Variants in DCP2 observed in about 807,000 individuals in gnomAD.
DCP2 encodes decapping mRNA 2.
DCP2 carries 30 observed loss-of-function variants against 56.1 expected under a neutral mutation model. That is an observed-to-expected ratio of 0.53 (90% CI 0.40 to 0.73). The LOEUF is 0.73. DCP2 is among the 30% of genes least tolerant of loss of function. The probability of loss-of-function intolerance (pLI) is 0.00; values close to 1 mark genes in which losing one functional copy is unlikely to be tolerated. For missense variants in DCP2, 533 were observed against 502.7 expected (o/e 1.06, Z -0.58); for synonymous variants, 197 against 163.3 (o/e 1.21, Z -1.57).
At position 112,988,089 on chromosome 5, in the gene DCP2, T is replaced by C. The variant is rs147364162; in HGVS notation, c.205+2103T>C. Among the ~76,000 whole-genome samples, 526 of 152,278 alleles carry C rather than the reference T, an allele frequency of 3.5e-3. 6 individuals are homozygous for C. The highest frequency in any genetic ancestry group is 0.011 in the African/African-American group (472 of 41,562). On this transcript the variant is annotated intron_variant, in intron 2 of 10. Transcript: ENST00000389063. ...ATGAAGTATGGAATCCTTCGGGCTC[T>C]GTAGAAAATGGATGAAACAGTGATT...
chr5:113,010,748 T>C lies in DCP2; in HGVS notation c.1048-8T>C. 2.6e-6 allele frequency: 4 copies of C among 1,562,502 alleles called. No individual in the cohort carries two copies. The South Asian group carries it at 4.8e-5, about 19-fold the overall frequency. On this transcript the variant is annotated splice_polypyrimidine_tract_variant and splice_region_variant and intron_variant, in intron 9 of 10. Transcript: ENST00000389063. ...GTGTGTGTGTGTGTTTTTTTTTTTT[T>C]TAAATAGAAGTGTGAAAAGAAACTT... is the stretch of plus-strand genomic sequence containing the variant.
intron 1 of DCP2, among the ~76,000 whole-genome samples, chr5:112,980,554 C>T (rs999240520): frequency 1.3e-5 from 2 of 150,444 alleles, no homozygotes; most frequent in African/African-American, 4.9e-5. Context: ...ACTATATACA[C>T]GTCCATACAC....
At chr5:113,000,095 CAG>C (rs1251739027) in intron 4 of DCP2, among the ~76,000 whole-genome samples, 57 of 146,030 alleles carry the variant, frequency 3.9e-4, no homozygotes, top group East Asian at 1.2e-3. Context: ...AGAAGAAAAA[CAG>C]GGGTATACCA....
chr5:112,993,916 C>A (rs1392818280), intron 4 of DCP2, among the ~76,000 whole-genome samples: 1 of 149,394 alleles, frequency 6.7e-6, no homozygotes, highest in Non-Finnish European at 1.5e-5. Flanking sequence ...GGTGTAGGAT[C>A]TCGCTTTGTT....
intron 8 of DCP2, among the ~76,000 whole-genome samples, chr5:113,007,316 T>C (rs1266946943): frequency 1.3e-5 from 2 of 152,110 alleles, no homozygotes; most frequent in Non-Finnish European, 2.9e-5. Context: ...AGAGGTTCCA[T>C]TTATGCATTA....
At chr5:112,992,893 G>T in intron 4 of DCP2, 123 bp downstream of exon 4, 7 of 462,834 alleles carry the variant, frequency 1.5e-5, no homozygotes, top group South Asian at 6.3e-5. Context: ...AGTGCATGAA[G>T]TAACTTACTT....
intron 7 of DCP2, among the ~76,000 whole-genome samples, chr5:113,002,608 C>T (rs1349072370): frequency 2.0e-5 from 3 of 152,022 alleles, no homozygotes; most frequent in African/African-American, 7.2e-5. Context: ...GCAGCCTTGA[C>T]CTCCTGGACT....
In DCP2 at chr5:113,009,315, C is replaced by T. The variant is rs151140879; in HGVS notation, c.1047+1273C>T. On this transcript the variant is annotated intron_variant, in intron 9 of 10. Coordinates refer to ENST00000389063, the MANE Select transcript of DCP2 (RefSeq NM_152624.6). The stretch of plus-strand genomic sequence containing the variant: ...ATAGATTTTTAAAAGTTGTTTAAGA[C>T]GAAAGTTAATGACAGAGAGCAAGTA... 8.7e-3 allele frequency among the ~76,000 whole-genome samples: 1,323 copies of T among 152,004 alleles called. 12 individuals carry two copies. The highest frequency in any genetic ancestry group is 0.02 in the Middle Eastern group (6 of 294).
chr5:112,981,725 GA>G (rs1312252993), intron 1 of DCP2, among the ~76,000 whole-genome samples: 2 of 152,048 alleles, frequency 1.3e-5, no homozygotes, highest in Non-Finnish European at 2.9e-5. Flanking sequence ...TTTCTTTGGG[GA>G]AAGAAATATA....
At chr5:112,981,587 T>A (rs1211730930) in intron 1 of DCP2, among the ~76,000 whole-genome samples, 1 of 152,220 alleles carries the variant, frequency 6.6e-6, no homozygotes, top group African/African-American at 2.4e-5. Context: ...AGGCAAGTCT[T>A]CAGCGGCTAG....
In DCP2 at chr5:113,017,930, G is replaced by A. The variant is rs1749958648; in HGVS notation, c.*4446G>A. Reference sequence around the variant, plus strand: ...AAGTTTGATTGCCAAGCAATCCAGTGAATCTAAAGTAATTTTTCTCACTTT... The same window carrying A: ...AAGTTTGATTGCCAAGCAATCCAGTAAATCTAAAGTAATTTTTCTCACTTT... On this transcript the variant is annotated 3_prime_UTR_variant, in exon 11 of 11. Coordinates refer to ENST00000389063, the MANE Select transcript of DCP2 (RefSeq NM_152624.6). 3 of 152,256 alleles carry A rather than the reference G, an allele frequency of 2.0e-5. 1 individual carries two copies. Among genetic ancestry groups the A allele is most frequent in the African/African-American group, 4.8e-5 (2 of 41,562 alleles). 9.4% of individuals were successfully genotyped at this position (152,256 alleles called of 1,614,324 possible). A position where few individuals can be genotyped will look rare whatever the true frequency, so the allele number is the denominator to read the frequency against.
chr5:113,010,097 A>T (rs1278072430), intron 9 of DCP2, among the ~76,000 whole-genome samples: 4 of 146,060 alleles, frequency 2.7e-5, no homozygotes, highest in Admixed American at 7.0e-5. Context: ...TGGTGGTGCG[A>T]TCTTGGCTCA....
intron 1 of DCP2, among the ~76,000 whole-genome samples, chr5:112,983,009 C>T (rs1202986826): frequency 6.6e-6 from 1 of 152,166 alleles, no homozygotes; most frequent in Non-Finnish European, 1.5e-5. Flanking sequence ...ATAAAGCAGA[C>T]TTTAAAGGAT....
At chr5:113,009,654 A>AT (rs1749592277) in intron 9 of DCP2, among the ~76,000 whole-genome samples, 18 of 152,164 alleles carry the variant, frequency 1.2e-4, no homozygotes, top group Non-Finnish European at 2.4e-4. Flanking sequence ...ATATTGAAGA[A>AT]GATATTAAAT....
chr5:112,991,282 T>G (rs1191207138), intron 2 of DCP2, among the ~76,000 whole-genome samples: 2 of 152,250 alleles, frequency 1.3e-5, no homozygotes, highest in Admixed American at 6.5e-5. Flanking sequence ...TTTTGAGAGA[T>G]ACTATCATAA....
Position 112,976,833 on chromosome 5 carries a change from C to T in DCP2, c.-101C>T. The T allele has an allele frequency of 7.7e-7, 1 of 1,300,890 alleles. No homozygotes were observed. Among genetic ancestry groups the T allele is most frequent in the South Asian group, 1.2e-5 (1 of 84,760 alleles). The allele number at this position is 1,300,890 out of a possible 1,614,324, so 80.6% of individuals were successfully genotyped here. ...TTGGAGTCGTCTCTGCCGCGGCTTCCTCGGCTGCCAGCTCTCCGGCGAGCC... is the reference window on the plus strand; with the variant it reads ...TTGGAGTCGTCTCTGCCGCGGCTTCTTCGGCTGCCAGCTCTCCGGCGAGCC... On this transcript the variant is annotated 5_prime_UTR_variant, in exon 1 of 11. Transcript: ENST00000389063.
intron 2 of DCP2, 97 bp from the exon 3 acceptor site, chr5:112,992,024 A>G: frequency 6.7e-7 from 1 of 1,503,546 alleles, no homozygotes; most frequent in South Asian, 1.3e-5. Flanking sequence ...GAATAATTTC[A>G]CATGAAATAC....
chr5:112,999,716 A>G (rs1024454135), intron 4 of DCP2, among the ~76,000 whole-genome samples: 11 of 150,916 alleles, frequency 7.3e-5, no homozygotes, highest in Non-Finnish European at 1.3e-4. Flanking sequence ...TGTAGCCTGG[A>G]ACTCCTTTGA....
chr5:113,001,246 A>G lies in DCP2; in HGVS notation c.585+10A>G. 3 of 1,611,954 alleles carry G rather than the reference A, an allele frequency of 1.9e-6. No homozygotes were observed. Among genetic ancestry groups the G allele is most frequent in the Middle Eastern group, 1.7e-4 (1 of 6,046 alleles). On this transcript the variant is annotated intron_variant, in intron 5 of 10. Coordinates refer to ENST00000389063, the MANE Select transcript of DCP2 (RefSeq NM_152624.6). ...TAGAAGAGAAATTCGGGTATGTAAC[A>G]AGAGTATTTTCAGGTTACTGGACAG...
Sources: allele counts gnomAD v4.1 joint callset (sites outside exome capture counted in the v4.1 genomes callset), GRCh38; gene constraint gnomAD v4.1.1; transcripts MANE v1.5; gene names NCBI Gene and HGNC (gene_info 2026-07-23, HGNC 2026-07-21).